The following TTLL4 variants were observed in gnomAD, a reference collection of about 807,000 sequenced individuals.
TTLL4 encodes tubulin monoglutamylase TTLL4.
In TTLL4, 85 loss-of-function variants were observed where a neutral mutation model predicts 122.7. The ratio of observed to expected loss-of-function variants is 0.69; its 90% confidence interval spans 0.58 to 0.83. The LOEUF is 0.83. Among genes scored for constraint, TTLL4 ranks in the 40% least tolerant of loss-of-function variants. TTLL4 has a pLI of 0.00. For synonymous variants in TTLL4, 553 were observed against 563.0 expected (o/e 0.98, Z 0.25); for missense variants, 1,363 against 1,488.6 (o/e 0.92, Z 1.39).
At chr2:218,745,964 C>T in intron 7 of TTLL4, 163 bp downstream of exon 7, 1 of 873,238 alleles carries the variant, frequency 1.1e-6, no homozygotes, top group Non-Finnish European at 1.9e-6. Flanking sequence ...CTGGACTGAG[C>T]CTGTTGTTCA....
intron 6 of TTLL4, 154 bp from the exon 7 acceptor site, chr2:218,745,537 A>C (rs944863392): frequency 2.6e-4 from 171 of 656,992 alleles, no homozygotes; most frequent in Non-Finnish European, 4.1e-4. Flanking sequence ...CTTCTTTCCC[A>C]AAGTGTGCTC....
chr2:218,759,595 G>GA (rs1441203291), downstream of TTLL4, among the ~76,000 whole-genome samples: 3 of 152,132 alleles, frequency 2.0e-5, no homozygotes, highest in African/African-American at 7.2e-5. Flanking sequence ...GGCATGGTGG[G>GA]AAGATTCTGT....
chr2:218,733,423 A>G (rs1233664887), intron 2 of TTLL4, among the ~76,000 whole-genome samples: 1 of 152,134 alleles, frequency 6.6e-6, no homozygotes, highest in Non-Finnish European at 1.5e-5. Flanking sequence ...GGTGCTACAC[A>G]CTTTTAAACA....
downstream of TTLL4, among the ~76,000 whole-genome samples, chr2:218,759,173 G>A (rs1943198346): frequency 6.6e-6 from 1 of 152,186 alleles, no homozygotes; most frequent in African/African-American, 2.4e-5. Flanking sequence ...GAACCCAGGA[G>A]GCAGAAGGTT....
intron 2 of TTLL4, among the ~76,000 whole-genome samples, chr2:218,734,902 A>G (rs1942475546): frequency 6.6e-6 from 1 of 152,164 alleles, no homozygotes; most frequent in South Asian, 2.1e-4. Flanking sequence ...ACACGCTGTA[A>G]TTGTTCCAAG....
rs1401972265 is a variant in TTLL4, at chr2:218,755,152, C to T, written c.*763C>T. On this transcript the variant is annotated 3_prime_UTR_variant, in exon 20 of 20. Transcript: ENST00000392102. ...GCCCCAGTGAAGGAGCCCAGATAAT[C>T]CCAGTAGCTGTTACCTGTCTCCATG... The T allele has an allele frequency of 6.6e-6, 1 of 152,278 alleles. No homozygotes were observed. The highest frequency in any genetic ancestry group is 2.4e-5 in the African/African-American group (1 of 41,438). 9.4% of individuals were successfully genotyped at this position (152,278 alleles called of 1,614,324 possible).
Position 218,749,992 on chromosome 2 carries a change from T to C in TTLL4, c.2736-17T>C. 4 of 1,613,586 alleles carry C rather than the reference T, an allele frequency of 2.5e-6. No individual in the cohort carries two copies. The highest frequency in any genetic ancestry group is 3.4e-6 in the Non-Finnish European group (4 of 1,179,736). On this transcript the variant is annotated splice_polypyrimidine_tract_variant and intron_variant, in intron 14 of 19. Coordinates refer to ENST00000392102, the MANE Select transcript of TTLL4 (RefSeq NM_014640.5). ...CGGAGTGCTGCTTTGACCACTCTTTTTATCCTTTTTCTGAAGCCTCCACTC... is the reference window on the plus strand; with the variant it reads ...CGGAGTGCTGCTTTGACCACTCTTTCTATCCTTTTTCTGAAGCCTCCACTC...
chr2:218,751,592 A>T, intron 15 of TTLL4, 112 bp from the exon 16 acceptor site: 1 of 1,411,002 alleles, frequency 7.1e-7, no homozygotes, highest in South Asian at 1.6e-5. Flanking sequence ...CTGTTCATAC[A>T]TCTTTGTCTT....
intron 2 of TTLL4, among the ~76,000 whole-genome samples, chr2:218,734,757 C>T (rs1302995940): frequency 1.3e-5 from 2 of 152,046 alleles, no homozygotes; most frequent in African/African-American, 4.8e-5. Flanking sequence ...TGTGGCTTCC[C>T]GAAAGAGGAT....
chr2:218,747,414 C>T lies in TTLL4; in HGVS notation c.2249+42C>T. 1 of 1,603,908 alleles carries T rather than the reference C, an allele frequency of 6.2e-7. No individual in the cohort carries two copies. Among genetic ancestry groups the T allele is most frequent in the Non-Finnish European group, 8.5e-7 (1 of 1,174,290 alleles). On this transcript the variant is annotated intron_variant, in intron 10 of 19. Coordinates refer to ENST00000392102, the MANE Select transcript of TTLL4 (RefSeq NM_014640.5). The surrounding 1 kb of genome is among the most constrained non-coding windows in gnomAD (Gnocchi z 4.7). ...TATCCCTTACCCCATCCTCCCACCT[C>T]CTTGGCCTCGAGGTTCCCTTCTTAC...
intron 1 of TTLL4, among the ~76,000 whole-genome samples, chr2:218,711,918 G>C (rs1941718723): frequency 7.4e-6 from 1 of 135,486 alleles, no homozygotes; most frequent in South Asian, 2.3e-4. Context: ...AGCATTTGGG[G>C]GACCCTTTGG....
intron 15 of TTLL4, among the ~76,000 whole-genome samples, chr2:218,751,250 A>AT (rs544662018): frequency 1.3e-4 from 20 of 151,240 alleles, no homozygotes; most frequent in African/African-American, 3.9e-4. Context: ...TAAAATTATT[A>AT]TTTTTTTTTA....
Position 218,754,427 on chromosome 2 carries a change from G to T in TTLL4, c.*38G>T. 3.1e-6 allele frequency: 5 copies of T among 1,609,816 alleles called. No individual in the cohort carries two copies. The highest frequency in any genetic ancestry group is 4.2e-6 in the Non-Finnish European group (5 of 1,178,058). On this transcript the variant is annotated 3_prime_UTR_variant, in exon 20 of 20. Transcript: ENST00000392102. ...CAAAAGCCTCTGCCCAGGAGCATGG[G>T]CATCAGCTACCTCACGGGAACCAGC...
At chr2:218,750,287 C>G in intron 15 of TTLL4, 141 bp downstream of exon 15, 1 of 1,174,412 alleles carries the variant, frequency 8.5e-7, no homozygotes, top group Non-Finnish European at 1.2e-6. Context: ...CACTAACATG[C>G]TACCATGCCA....
In TTLL4 at chr2:218,747,870, C is replaced by A; in HGVS notation, c.2378+145C>A. 7.8e-7 allele frequency: 1 copy of A among 1,285,814 alleles called. No homozygotes were observed. Among genetic ancestry groups the A allele is most frequent in the Non-Finnish European group, 1.1e-6 (1 of 932,528 alleles). 79.7% of individuals were successfully genotyped at this position (1,285,814 alleles called of 1,614,324 possible). ...AAATGGGAAATATGGAGGCTCTCTA[C>A]TTCGTTAAATCTGGGGAGGGTCTTC... On this transcript the variant is annotated intron_variant, in intron 11 of 19. Transcript: ENST00000392102. This position sits in a 1 kb window ranked among gnomAD's most constrained non-coding sequence, Gnocchi z 4.7.
intron 5 of TTLL4, among the ~76,000 whole-genome samples, chr2:218,741,938 A>G (rs1403510768): frequency 6.6e-6 from 1 of 152,250 alleles, no homozygotes; most frequent in African/African-American, 2.4e-5. Flanking sequence ...AGGCTTAAAC[A>G]TAATTTTCAA....
chr2:218,749,460 A>G, intron 14 of TTLL4, 73 bp downstream of exon 14: 1 of 1,538,586 alleles, frequency 6.5e-7, no homozygotes, highest in South Asian at 1.2e-5. Flanking sequence ...CACTCCAGTA[A>G]GTTGTTCTTT....
At chr2:218,753,758 A>C (rs1943088330) in intron 19 of TTLL4, 89 bp downstream of exon 19, 2 of 1,424,700 alleles carry the variant, frequency 1.4e-6, no homozygotes, top group Admixed American at 3.4e-5. Context: ...TGGCAGTGAG[A>C]TCAGCATTCT....
chr2:218,738,199 GCCT>G lies in TTLL4; in HGVS notation c.528_530del (p.Ser178del). Reference sequence around the variant, plus strand: ...GGTCTTCTCCATGGCCCAGCCCATGGCCTCCTCATCCACAGAACCATACCTCTG... The same window carrying G: ...GGTCTTCTCCATGGCCCAGCCCATGGCCTCATCCACAGAACCATACCTCTG... On this transcript the variant is annotated inframe_deletion, in exon 3 of 20. Transcript: ENST00000392102. 3 of 1,614,036 alleles carry G rather than the reference GCCT, an allele frequency of 1.9e-6. No individual in the cohort carries two copies. Among genetic ancestry groups the G allele is most frequent in the Non-Finnish European group, 2.5e-6 (3 of 1,180,026 alleles).
Sources: gnomAD v4.1 joint callset for allele counts (sites outside exome capture counted in the v4.1 genomes callset) on GRCh38, gnomAD v4.1.1 for gene constraint, Gnocchi (gnomAD v3.1) non-coding constraint, MANE v1.5 for transcripts, NCBI Gene and HGNC (gene_info 2026-07-23, HGNC 2026-07-21) for gene names.